Variants in NRG1 observed in about 807,000 individuals in gnomAD.
NRG1 encodes pro-neuregulin-1, membrane-bound isoform.
NRG1 carries 18 observed loss-of-function variants against 63.8 expected under a neutral mutation model. That is an observed-to-expected ratio of 0.28 (90% CI 0.19 to 0.42). NRG1 has a LOEUF of 0.42. NRG1 is among the 10% of genes least tolerant of loss of function. The probability of loss-of-function intolerance (pLI) is 1.00; values close to 1 mark genes in which losing one functional copy is unlikely to be tolerated. For synonymous variants in NRG1, 302 were observed against 301.3 expected (o/e 1.00, Z -0.02); for missense variants, 762 against 814.7 (o/e 0.94, Z 0.79).
At chr8:31,939,374 C>T (rs1198158039) in intron 1 of NRG1, among the ~76,000 whole-genome samples, 1 of 151,996 alleles carries the variant, frequency 6.6e-6, no homozygotes, top group African/African-American at 2.4e-5. Context: ...GAGAATTCAC[C>T]ATTACCAAGC....
chr8:31,907,688 T>C (rs915632831), intron 1 of NRG1, among the ~76,000 whole-genome samples: 2 of 152,182 alleles, frequency 1.3e-5, no homozygotes, highest in African/African-American at 4.8e-5. Context: ...AAATTCTCAA[T>C]GTAATAGAAG....
chr8:32,091,544 A>G (rs1427792496), intron 1 of NRG1, among the ~76,000 whole-genome samples: 1 of 152,220 alleles, frequency 6.6e-6, no homozygotes, highest in East Asian at 1.9e-4. Context: ...TGGTAGCCAC[A>G]CATGCCCACA....
At chr8:32,007,093 C>T (rs1050250462) in intron 1 of NRG1, among the ~76,000 whole-genome samples, 19 of 152,022 alleles carry the variant, frequency 1.2e-4, no homozygotes, top group Non-Finnish European at 2.2e-4. Context: ...AATGAATAGT[C>T]TCCCTTAGAT....
chr8:31,694,445 T>C (rs1809847226), intron 1 of NRG1, among the ~76,000 whole-genome samples: 1 of 152,222 alleles, frequency 6.6e-6, no homozygotes, highest in Non-Finnish European at 1.5e-5. Context: ...CAAGTATATA[T>C]CAATTTTTCT....
chr8:31,929,889 T>A (rs1834724325), intron 1 of NRG1, among the ~76,000 whole-genome samples: 2 of 152,222 alleles, frequency 1.3e-5, no homozygotes, highest in Non-Finnish European at 2.9e-5. Flanking sequence ...AGGCTTCTCA[T>A]ACAACCCAAG....
chr8:31,862,962 T>A (rs1828607493), intron 1 of NRG1, among the ~76,000 whole-genome samples: 1 of 152,308 alleles, frequency 6.6e-6, no homozygotes, highest in African/African-American at 2.4e-5. Context: ...CCTCCTTTGA[T>A]TCTTTCTATG....
intron 1 of NRG1, among the ~76,000 whole-genome samples, chr8:32,024,426 A>G (rs77823638): frequency 0.011 from 1,644 of 152,346 alleles, 28 homozygotes; most frequent in African/African-American, 0.037. Flanking sequence ...GGGCAGAGGA[A>G]GGAAGCAAGG....
intron 1 of NRG1, among the ~76,000 whole-genome samples, chr8:32,510,136 C>T (rs1396926359): frequency 8.3e-6 from 1 of 120,716 alleles, no homozygotes; most frequent in Non-Finnish European, 1.8e-5. Context: ...ATCATAAAAG[C>T]AAGGGAGGGA....
intron 1 of NRG1, among the ~76,000 whole-genome samples, chr8:32,065,178 C>T (rs1188973809): frequency 1.0e-4 from 15 of 150,506 alleles, no homozygotes; most frequent in South Asian, 2.1e-4. Flanking sequence ...TTGTGGCCAT[C>T]GATTTTTTCT....
chr8:32,094,191 A>G (rs1829579429), intron 1 of NRG1, among the ~76,000 whole-genome samples: 1 of 152,210 alleles, frequency 6.6e-6, no homozygotes, highest in African/African-American at 2.4e-5. Flanking sequence ...CGGCTTTCAT[A>G]GAACAGAATG....
At chr8:32,042,913 AG>A (rs1820302882) in intron 1 of NRG1, among the ~76,000 whole-genome samples, 1 of 150,340 alleles carries the variant, frequency 6.7e-6, no homozygotes, top group African/African-American at 2.4e-5. Flanking sequence ...CAACATAAAA[AG>A]GTCTGATATG....
rs138665254 is a variant in NRG1, at chr8:32,588,524, G to A, written c.101-7304G>A. Among the ~76,000 whole-genome samples the A allele has an allele frequency of 8.5e-5, 13 of 152,332 alleles. No individual in the cohort carries two copies. In the East Asian group the frequency reaches 2.3e-3, roughly 27 times the overall value. On this transcript the variant is annotated intron_variant, in intron 1 of 11. Transcript: ENST00000356819. ...ACTCTGGCTGTAGTGGCACCACTGT[G>A]ATGAGTGTTAGCATAAAATGCTGAA...
chr8:32,515,096 C>T (rs951812184), intron 1 of NRG1, among the ~76,000 whole-genome samples: 4 of 151,930 alleles, frequency 2.6e-5, no homozygotes, highest in Non-Finnish European at 5.9e-5. Context: ...GTGTGTGTGT[C>T]TTTTTGGTAG....
chr8:31,871,006 C>CT (rs113769852), intron 1 of NRG1, among the ~76,000 whole-genome samples: 21,219 of 143,562 alleles, frequency 0.15, 1,850 homozygotes, highest in Non-Finnish European at 0.19. Flanking sequence ...TTTTATTTTC[C>CT]TTTTTTTTTT....
At chr8:32,660,817 C>T (rs1037886534) in intron 5 of NRG1, among the ~76,000 whole-genome samples, 5 of 152,266 alleles carry the variant, frequency 3.3e-5, no homozygotes, top group East Asian at 1.9e-4. Flanking sequence ...TGGCTCATAG[C>T]GCTATATAAG....
intron 1 of NRG1, among the ~76,000 whole-genome samples, chr8:31,947,555 T>C (rs1003033872): frequency 1.3e-5 from 2 of 152,162 alleles, no homozygotes; most frequent in Non-Finnish European, 2.9e-5. Flanking sequence ...CATATCCCTT[T>C]GTTTGCCTAT....
At chr8:31,860,871 T>TATTCCGTTACTTAGCCCTTAAC (rs1218335980) in intron 1 of NRG1, among the ~76,000 whole-genome samples, 2 of 152,184 alleles carry the variant, frequency 1.3e-5, no homozygotes, top group Non-Finnish European at 2.9e-5. Flanking sequence ...CACTTTCACA[T>TATTCCGTTACTTAGCCCTTAAC]ATTCCGTTAC....
intron 1 of NRG1, among the ~76,000 whole-genome samples, chr8:32,015,197 T>C (rs1041080484): frequency 1.8e-4 from 28 of 152,066 alleles, no homozygotes; most frequent in African/African-American, 6.3e-4. Flanking sequence ...ACTCATACCA[T>C]AAAATATTTT....
At chr8:32,237,818 G>A (rs1180172717) in intron 1 of NRG1, among the ~76,000 whole-genome samples, 2 of 152,018 alleles carry the variant, frequency 1.3e-5, no homozygotes, top group Non-Finnish European at 2.9e-5. Context: ...GGACTGTTCA[G>A]CTTGGCTGTG....
Sources: allele counts gnomAD v4.1 joint callset (sites outside exome capture counted in the v4.1 genomes callset), GRCh38; gene constraint gnomAD v4.1.1; transcripts MANE v1.5; gene names NCBI Gene and HGNC (gene_info 2026-07-23, HGNC 2026-07-21).